Variants in IGF1R observed in about 807,000 individuals in gnomAD.
IGF1R encodes the protein insulin-like growth factor 1 receptor.
A neutral mutation model predicts 144.6 loss-of-function variants in IGF1R; 44 were observed. The ratio of observed to expected loss-of-function variants is 0.30; its 90% confidence interval spans 0.24 to 0.39. The LOEUF (loss-of-function observed/expected upper bound fraction) is 0.39. Among genes scored for constraint, IGF1R ranks in the 10% least tolerant of loss-of-function variants. The pLI is 1.00. For missense variants in IGF1R, 1,355 were observed against 1,833.7 expected (o/e 0.74, Z 4.77); for synonymous variants, 795 against 722.8 (o/e 1.10, Z -1.60).
chr15:98,899,140 C>T (rs1268675546), intron 4 of IGF1R, among the ~76,000 whole-genome samples: 1 of 152,200 alleles, frequency 6.6e-6, no homozygotes, highest in Non-Finnish European at 1.5e-5. Context: ...TGTCTGTTGA[C>T]AGAGCATATT....
At chr15:98,720,520 A>G (rs1162141282) in intron 2 of IGF1R, among the ~76,000 whole-genome samples, 1 of 152,192 alleles carries the variant, frequency 6.6e-6, no homozygotes, top group East Asian at 1.9e-4. Flanking sequence ...ACTGCCTACG[A>G]AACTAGATCT....
intron 2 of IGF1R, among the ~76,000 whole-genome samples, chr15:98,888,599 G>T (rs181482773): frequency 1.2e-4 from 18 of 152,318 alleles, no homozygotes; most frequent in African/African-American, 4.3e-4. Flanking sequence ...TGTGATCAGA[G>T]ATGGGTAACT....
chr15:98,862,838 T>TA (rs2012230224), intron 2 of IGF1R, among the ~76,000 whole-genome samples: 1 of 152,234 alleles, frequency 6.6e-6, no homozygotes, highest in Admixed American at 6.5e-5. Flanking sequence ...CAGACTTGCA[T>TA]AAAGGTTACA....
intron 2 of IGF1R, among the ~76,000 whole-genome samples, chr15:98,789,080 T>A (rs1034438576): frequency 7.9e-5 from 12 of 152,234 alleles, no homozygotes; most frequent in African/African-American, 2.9e-4. Flanking sequence ...GTTTACTTGT[T>A]CCAGCTCACT....
intron 1 of IGF1R, among the ~76,000 whole-genome samples, chr15:98,690,852 C>T (rs1227207798): frequency 6.6e-6 from 1 of 152,114 alleles, no homozygotes; most frequent in Non-Finnish European, 1.5e-5. Context: ...GTTGGCGGGT[C>T]AGGCAGAAGC....
Position 98,704,928 on chromosome 15 carries a change from G to T in IGF1R, c.95-2634G>T, listed in dbSNP as rs1198292420. 6.6e-6 allele frequency among the ~76,000 whole-genome samples: 1 copy of T among 152,182 alleles called. No homozygotes were observed. The highest frequency in any genetic ancestry group is 1.5e-5 in the Non-Finnish European group (1 of 68,032). Reference sequence around the variant, plus strand: ...GTGAGAGGAGAGAAGAATCAGGAATGACTCTTTGATTCTTAACGTGAGCAA... The same window carrying T: ...GTGAGAGGAGAGAAGAATCAGGAATTACTCTTTGATTCTTAACGTGAGCAA... On this transcript the variant is annotated intron_variant, in intron 1 of 20. Transcript: ENST00000650285. This position sits in a 1 kb window ranked among gnomAD's most constrained non-coding sequence, Gnocchi z 4.9.
At position 98,755,718 on chromosome 15, in the gene IGF1R, C is replaced by CAAAAAAAAAAAAAAAAAAAAAAAAAA. The variant is rs56121011; in HGVS notation, c.640+47621_640+47646dup. Among the ~76,000 whole-genome samples the CAAAAAAAAAAAAAAAAAAAAAAAAAA allele has an allele frequency of 5.8e-5, 2 of 34,472 alleles. 1 individual carries two copies. Among genetic ancestry groups the CAAAAAAAAAAAAAAAAAAAAAAAAAA allele is most frequent in the African/African-American group, 3.1e-4 (2 of 6,426 alleles). The allele number at this position is 34,472 out of a possible 152,430, so 22.6% of individuals were successfully genotyped here. Reference sequence around the variant, plus strand: ...TGAATGACAGAGCAAAACTCCATTGCAAAAAAAAAAAAAAAAAAAAAAAAA... The same window carrying CAAAAAAAAAAAAAAAAAAAAAAAAAA: ...TGAATGACAGAGCAAAACTCCATTGCAAAAAAAAAAAAAAAAAAAAAAAAAAAAAAAAAAAAAAAAAAAAAAAAAAA... On this transcript the variant is annotated intron_variant, in intron 2 of 20. Transcript: ENST00000650285.
chr15:98,942,419 A>G (rs1054950294), intron 18 of IGF1R, among the ~76,000 whole-genome samples: 1 of 152,054 alleles, frequency 6.6e-6, no homozygotes, highest in Non-Finnish European at 1.5e-5. Flanking sequence ...CTGCAGCCTC[A>G]ACCTCCAGGG....
At chr15:98,728,016 T>TTTG (rs1555436626) in intron 2 of IGF1R, among the ~76,000 whole-genome samples, 3 of 149,848 alleles carry the variant, frequency 2.0e-5, no homozygotes, top group East Asian at 3.9e-4. Context: ...TGTTTTTTTT[T>TTTG]TTTTTTTTTT....
intron 1 of IGF1R, among the ~76,000 whole-genome samples, chr15:98,701,306 A>G (rs1156802488): frequency 6.8e-6 from 1 of 148,046 alleles, no homozygotes; most frequent in Non-Finnish European, 1.5e-5. Context: ...ATTTCCAACT[A>G]TAAGCTAAGC....
chr15:98,729,814 G>A (rs1181730327), intron 2 of IGF1R, among the ~76,000 whole-genome samples: 1 of 152,186 alleles, frequency 6.6e-6, no homozygotes, highest in Admixed American at 6.5e-5. Context: ...GTGTGTGAGT[G>A]TGTCTTTCCT....
chr15:98,961,975 G>A lies in IGF1R; in HGVS notation c.*4533G>A. On this transcript the variant is annotated 3_prime_UTR_variant, in exon 21 of 21. Transcript: ENST00000650285. ...TGGCGAGATGCTCGGTGCACATTGG[G>A]GTGCTTTGGGATAAAAGATTTATGA... is the stretch of plus-strand genomic sequence containing the variant. 4.3e-6 allele frequency: 1 copy of A among 233,320 alleles called. No individual in the cohort carries two copies. Among genetic ancestry groups the A allele is most frequent in the Non-Finnish European group, 8.5e-6 (1 of 118,060 alleles). 14.5% of individuals were successfully genotyped at this position (233,320 alleles called of 1,614,324 possible).
intron 2 of IGF1R, among the ~76,000 whole-genome samples, chr15:98,802,538 T>G (rs1325598960): frequency 6.6e-6 from 1 of 152,222 alleles, no homozygotes; most frequent in Non-Finnish European, 1.5e-5. Context: ...AACAGCAATT[T>G]TGTGGAACAA....
rs754692816 is a variant in IGF1R at position 98,923,918 on chromosome 15, G to A, written c.2528G>A (p.Arg843Lys). ...CCTGGGCCAGTGACCTGGGAGCCAA[G>A]GCCTGAAAACTCCATCTTTTTAAAG... ...DIPGPVTWEP[R>K]PENSIFLKWP... is the part of the protein sequence containing the mutation. Residue 843 changes from arginine (R) to lysine (K), a missense_variant, in exon 12 of 21, where the codon AGG becomes AAG. Arg to Lys is a conservative substitution (Grantham distance 26). Around this residue, in one of 7 missense-constraint regions of IGF1R, gnomAD observed 880 missense variants for 1,202.7 expected, o/e 0.73. Coordinates refer to ENST00000650285, the MANE Select transcript of IGF1R (RefSeq NM_000875.5). 1.9e-6 allele frequency: 3 copies of A among 1,612,920 alleles called. No individual in the cohort carries two copies. The highest frequency in any genetic ancestry group is 2.2e-5 in the South Asian group (2 of 91,044).
rs1462796717 is a variant in IGF1R, at chr15:98,891,794, T to C, written c.953+157T>C. ...AGAGGGCTGGCTTACCTTAAATGTT[T>C]GGTGAGATTCTAGGAACAATTGGCA... On this transcript the variant is annotated intron_variant, in intron 3 of 20. Coordinates refer to ENST00000650285, the MANE Select transcript of IGF1R (RefSeq NM_000875.5). This position sits in a 1 kb window ranked among gnomAD's most constrained non-coding sequence, Gnocchi z 4.7. Among the ~76,000 whole-genome samples, 2 of 152,232 alleles carry C rather than the reference T, an allele frequency of 1.3e-5. No homozygotes were observed. Among genetic ancestry groups the C allele is most frequent in the African/African-American group, 4.8e-5 (2 of 41,472 alleles).
chr15:98,957,810 C>G lies in IGF1R; in HGVS notation c.*368C>G, dbSNP rs1330271617. The G allele has an allele frequency of 5.9e-6, 2 of 340,232 alleles. No homozygotes were observed. Among genetic ancestry groups the G allele is most frequent in the Non-Finnish European group, 5.4e-6 (1 of 185,000 alleles). 21.1% of individuals were successfully genotyped at this position (340,232 alleles called of 1,614,324 possible). A position where few individuals can be genotyped will look rare whatever the true frequency, so the allele number is the denominator to read the frequency against. On this transcript the variant is annotated 3_prime_UTR_variant, in exon 21 of 21. Coordinates refer to ENST00000650285, the MANE Select transcript of IGF1R (RefSeq NM_000875.5). ...CTTCATAACGGAAAAATAATTGCCA[C>G]AAGTCCAGCTGGGAAGCCCTTTTTA...
intron 2 of IGF1R, among the ~76,000 whole-genome samples, chr15:98,782,183 T>A (rs2141395650): frequency 6.6e-6 from 1 of 152,292 alleles, no homozygotes; most frequent in African/African-American, 2.4e-5. Context: ...TGTGAGTCCC[T>A]AATCTAGACA....
At chr15:98,768,639 A>C (rs1596286475) in intron 2 of IGF1R, among the ~76,000 whole-genome samples, 1 of 124,726 alleles carries the variant, frequency 8.0e-6, no homozygotes, top group Non-Finnish European at 1.7e-5. Context: ...AATGCCCACA[A>C]CTGGGCATGG....
At chr15:98,898,261 T>C (rs2014303639) in intron 4 of IGF1R, among the ~76,000 whole-genome samples, 1 of 152,246 alleles carries the variant, frequency 6.6e-6, no homozygotes, top group South Asian at 2.1e-4. Context: ...CCTAAACTTT[T>C]TTATCTTCCT....
Sources: gnomAD v4.1 joint callset for allele counts (sites outside exome capture counted in the v4.1 genomes callset) on GRCh38, gnomAD v4.1.1 for gene constraint, gnomAD v4.1.1 regional missense constraint, Gnocchi (gnomAD v3.1) non-coding constraint, MANE v1.5 for transcripts, NCBI Gene and HGNC (gene_info 2026-07-23, HGNC 2026-07-21) for gene names.